The following SAMMSON variants were observed in gnomAD, a reference collection of about 807,000 sequenced individuals.
SAMMSON encodes the protein long intergenic non-protein coding RNA 1212.
chr3:70,293,045 CAA>C (rs55990203), intron 7 of SAMMSON, among the ~76,000 whole-genome samples: 4 of 74,780 alleles, frequency 5.3e-5, no homozygotes, highest in South Asian at 4.5e-4. Context: ...TGGTTTGAAG[CAA>C]AAAAAAAAAA....
rs113216628 is a variant in SAMMSON, at chr3:70,048,523, G to A, written n.418-22953G>A. The stretch of plus-strand genomic sequence containing the variant: ...GAAAGCTTGACTCTATTTTTGATGA[G>A]GAAGTTTCATCCTTTATAGGGACAA... On this transcript the variant is annotated intron_variant and non_coding_transcript_variant, in intron 3 of 9. Transcript: ENST00000642114. 7.5e-3 allele frequency among the ~76,000 whole-genome samples: 1,145 copies of A among 152,044 alleles called. 9 individuals carry two copies. Among genetic ancestry groups the A allele is most frequent in the African/African-American group, 0.026 (1,071 of 41,494 alleles).
At chr3:70,143,378 G>A (rs963406976) in intron 4 of SAMMSON, among the ~76,000 whole-genome samples, 10 of 151,852 alleles carry the variant, frequency 6.6e-5, no homozygotes, top group African/African-American at 2.4e-4. Flanking sequence ...ATGTGTGTGT[G>A]TGTGTGTATA....
At chr3:70,174,509 G>A (rs1436277250) in intron 4 of SAMMSON, among the ~76,000 whole-genome samples, 1 of 151,892 alleles carries the variant, frequency 6.6e-6, no homozygotes, top group African/African-American at 2.4e-5. Flanking sequence ...AAAGAATCCT[G>A]GAAGTGGTTG....
At chr3:70,109,797 T>C (rs2067381166) in intron 4 of SAMMSON, among the ~76,000 whole-genome samples, 1 of 152,196 alleles carries the variant, frequency 6.6e-6, no homozygotes. Flanking sequence ...AAAGATCCTC[T>C]AAGGACTTCC....
intron 9 of SAMMSON, among the ~76,000 whole-genome samples, chr3:70,376,027 C>G (rs9824703): frequency 0.021 from 3,205 of 152,170 alleles, 89 homozygotes; most frequent in African/African-American, 0.059. Flanking sequence ...TGAAAAAATG[C>G]TAACATAGGG....
At chr3:70,033,102 G>A (rs569496950) in intron 3 of SAMMSON, among the ~76,000 whole-genome samples, 2 of 152,234 alleles carry the variant, frequency 1.3e-5, no homozygotes, top group East Asian at 1.9e-4. Flanking sequence ...GACGTGAGGG[G>A]ATGGAAGCCA....
chr3:70,078,091 T>TGGGG (rs749419932), intron 4 of SAMMSON, among the ~76,000 whole-genome samples: 1 of 151,954 alleles, frequency 6.6e-6, no homozygotes, highest in Non-Finnish European at 1.5e-5. Context: ...CACATGTGTG[T>TGGGG]GGGGGGAAGA....
At chr3:70,044,146 A>G (rs752159233) in intron 3 of SAMMSON, among the ~76,000 whole-genome samples, 1 of 151,996 alleles carries the variant, frequency 6.6e-6, no homozygotes, top group African/African-American at 2.4e-5. Flanking sequence ...GGCATTACCA[A>G]TGAGCATTTA....
At chr3:70,194,662 C>A (rs2106714293) in intron 4 of SAMMSON, among the ~76,000 whole-genome samples, 1 of 152,294 alleles carries the variant, frequency 6.6e-6, no homozygotes, top group East Asian at 1.9e-4. Context: ...CACATAAGAC[C>A]TGGTGATTTT....
Position 70,028,191 on chromosome 3 carries a change from CTTT to C in SAMMSON, n.417+14520_417+14522del. 3.1e-4 allele frequency among the ~76,000 whole-genome samples: 43 copies of C among 139,002 alleles called. 1 individual carries two copies. The highest frequency in any genetic ancestry group is 1.2e-3 in the African/African-American group (41 of 34,118). The allele number at this position is 139,002 out of a possible 152,430, so 91.2% of individuals were successfully genotyped here. ...CCTTCCTTCCTTCCTTCCTTCCTTT[CTTT>C]CTTTCTTTCTCTCTTTCTTTCTTTC... On this transcript the variant is annotated intron_variant and non_coding_transcript_variant, in intron 3 of 9. Transcript: ENST00000642114.
At chr3:70,127,263 A>G (rs1356212202) in intron 4 of SAMMSON, 2 of 152,136 alleles carry the variant, frequency 1.3e-5, no homozygotes, top group African/African-American at 2.4e-5. Flanking sequence ...CTTTATCATC[A>G]CTATTATTAT....
chr3:70,113,427 A>T (rs1444480546), intron 4 of SAMMSON, among the ~76,000 whole-genome samples: 1 of 152,238 alleles, frequency 6.6e-6, no homozygotes, highest in Non-Finnish European at 1.5e-5. Flanking sequence ...ATATACAAGC[A>T]GTCTATTTAC....
chr3:70,242,464 C>G (rs1701673441), intron 4 of SAMMSON, among the ~76,000 whole-genome samples: 2 of 152,112 alleles, frequency 1.3e-5, no homozygotes, highest in African/African-American at 4.8e-5. Context: ...CATGACCATC[C>G]TTTGGGGCAG....
intron 7 of SAMMSON, among the ~76,000 whole-genome samples, chr3:70,310,204 G>C (rs1702442067): frequency 6.6e-6 from 1 of 152,018 alleles, no homozygotes. Flanking sequence ...TAACAGAAAT[G>C]ATTCTGGAAA....
At chr3:70,202,631 C>G (rs1308103597) in intron 4 of SAMMSON, among the ~76,000 whole-genome samples, 1 of 152,072 alleles carries the variant, frequency 6.6e-6, no homozygotes, top group Non-Finnish European at 1.5e-5. Context: ...TAAGATGGAT[C>G]AGAGACCTGC....
chr3:70,191,351 AC>A (rs1250497437), intron 4 of SAMMSON, among the ~76,000 whole-genome samples: 2 of 152,198 alleles, frequency 1.3e-5, no homozygotes, highest in African/African-American at 4.8e-5. Context: ...AGTGTTGTTG[AC>A]TGATTAAAAA....
chr3:70,047,319 T>TTCTC (rs1274533029), intron 3 of SAMMSON, among the ~76,000 whole-genome samples: 7 of 151,096 alleles, frequency 4.6e-5, no homozygotes, highest in Admixed American at 4.6e-4. Flanking sequence ...ATTATATAAT[T>TTCTC]TCTCTCTCTC....
intron 4 of SAMMSON, among the ~76,000 whole-genome samples, chr3:70,154,423 T>C (rs975872909): frequency 1.3e-5 from 2 of 152,016 alleles, no homozygotes; most frequent in African/African-American, 4.8e-5. Context: ...GGCCAGGCTG[T>C]CTGGTCCCAG....
At chr3:70,316,589 G>A (rs572574788) in intron 7 of SAMMSON, among the ~76,000 whole-genome samples, 6 of 152,090 alleles carry the variant, frequency 3.9e-5, no homozygotes, top group African/African-American at 1.4e-4. Flanking sequence ...ATCAAATATT[G>A]CACATTAAAA....
Sources: allele counts gnomAD v4.1 joint callset (sites outside exome capture counted in the v4.1 genomes callset), GRCh38; gene constraint gnomAD v4.1.1; transcripts MANE v1.5; gene names NCBI Gene and HGNC (gene_info 2026-07-23, HGNC 2026-07-21).